Variants in CLEC9A observed in about 807,000 individuals in gnomAD.
CLEC9A encodes C-type lectin domain containing 9A.
In CLEC9A, 24 loss-of-function variants were observed where a neutral mutation model predicts 30.0. The ratio of observed to expected loss-of-function variants is 0.80; its 90% CI spans 0.58 to 1.13. The LOEUF is 1.13. Ranked by LOEUF, CLEC9A falls within the 50% of genes most tolerant of loss-of-function variation. The pLI is 0.00. For synonymous variants in CLEC9A, 111 were observed against 96.8 expected (o/e 1.15, Z -0.86); for missense variants, 251 against 280.9 (o/e 0.89, Z 0.76).
chr12:10,032,573 A>G (rs1004589485), intron 1 of CLEC9A, among the ~76,000 whole-genome samples: 1 of 151,564 alleles, frequency 6.6e-6, no homozygotes. Flanking sequence ...TTTTATTTTT[A>G]GTAGAGATGG....
chr12:10,054,271 G>A lies in CLEC9A; in HGVS notation c.92G>A (p.Gly31Glu), dbSNP rs763411410. The A allele has an allele frequency of 8.1e-6, 13 of 1,611,250 alleles. No homozygotes were observed. Among genetic ancestry groups the A allele is most frequent in the Non-Finnish European group, 1.1e-5 (13 of 1,178,452 alleles). Residue 31 changes from glycine (G) to glutamate (E), a missense_variant and splice_region_variant, in exon 5 of 9, where the codon GGA becomes GAA. Gly to Glu is a moderately conservative substitution (Grantham distance 98). Transcript: ENST00000355819. ...QKCLSSNKCSGACCLVMVISC... is the reference protein window; with the variant it reads ...QKCLSSNKCSEACCLVMVISC... ...ATCATTTTTCCTATTCTGTGGTTAG[G>A]AGCATGCTGTCTTGTGATGGTGATT...
At chr12:10,035,252 T>C (rs1016559546) in intron 1 of CLEC9A, among the ~76,000 whole-genome samples, 4 of 152,174 alleles carry the variant, frequency 2.6e-5, no homozygotes, top group African/African-American at 9.7e-5. Context: ...GATGGGGACA[T>C]GCGGGCCAGG....
intron 1 of CLEC9A, among the ~76,000 whole-genome samples, chr12:10,040,105 G>A (rs1865779379): frequency 6.6e-6 from 1 of 152,234 alleles, no homozygotes; most frequent in Non-Finnish European, 1.5e-5. Flanking sequence ...TTATAGGCAT[G>A]AGTCACCTTG....
chr12:10,064,695 G>A (rs1359842228), intron 7 of CLEC9A, 37 bp from the exon 8 acceptor site: 1 of 1,561,694 alleles, frequency 6.4e-7, no homozygotes. Flanking sequence ...TTGTTTGTTT[G>A]TTTTTCTCAT....
At chr12:10,047,942 A>G (rs1865860037) in intron 2 of CLEC9A, among the ~76,000 whole-genome samples, 1 of 152,086 alleles carries the variant, frequency 6.6e-6, no homozygotes, top group Non-Finnish European at 1.5e-5. Context: ...TTAAAATAAG[A>G]CAACAGTGGG....
rs1223078208 is a variant in CLEC9A at position 10,065,652 on chromosome 12, G to C, written c.*20G>C. The C allele has an allele frequency of 6.2e-7, 1 of 1,612,860 alleles. No individual in the cohort carries two copies. Among genetic ancestry groups the C allele is most frequent in the Admixed American group, 1.7e-5 (1 of 59,930 alleles). The stretch of plus-strand genomic sequence containing the variant: ...GTCTGAAAGAAATTGTGTTCAAAGT[G>C]TTCTATTACACTGTTATTTGGAGCA... On this transcript the variant is annotated 3_prime_UTR_variant, in exon 9 of 9. Transcript: ENST00000355819.
chr12:10,061,406 C>A, intron 6 of CLEC9A, 133 bp downstream of exon 6: 2 of 852,600 alleles, frequency 2.3e-6, no homozygotes, highest in Non-Finnish European at 3.4e-6. Context: ...TAATTTTGGT[C>A]ACTCTTCAGT....
At chr12:10,032,185 C>T (rs920982612) in intron 1 of CLEC9A, among the ~76,000 whole-genome samples, 2 of 152,152 alleles carry the variant, frequency 1.3e-5, no homozygotes, top group African/African-American at 4.8e-5. Context: ...CTTTGGAAGG[C>T]AGTGTGGCAG....
chr12:10,061,093 G>A (rs1324589780), intron 5 of CLEC9A, 34 bp from the exon 6 acceptor site: 1 of 1,598,792 alleles, frequency 6.3e-7, no homozygotes, highest in Non-Finnish European at 8.5e-7. Flanking sequence ...TAAAATGTCA[G>A]GATTTTATTA....
intron 4 of CLEC9A, 101 bp from the exon 5 acceptor site, chr12:10,054,170 C>A: frequency 1.1e-6 from 1 of 924,080 alleles, no homozygotes; most frequent in Non-Finnish European, 1.7e-6. Context: ...GTAGAAATGC[C>A]AATGTTAATT....
chr12:10,063,313 A>G, intron 7 of CLEC9A, 107 bp downstream of exon 7: 3 of 1,026,400 alleles, frequency 2.9e-6, no homozygotes, highest in Non-Finnish European at 3.9e-6. Context: ...CTATAACAGC[A>G]GTATAATTGT....
chr12:10,043,701 G>C (rs560655336), intron 2 of CLEC9A, among the ~76,000 whole-genome samples: 39 of 151,678 alleles, frequency 2.6e-4, no homozygotes, highest in African/African-American at 7.8e-4. Flanking sequence ...GACAGAGAGA[G>C]AGATGGAGTC....
Position 10,052,576 on chromosome 12 carries a change from C to G in CLEC9A, c.-58-54C>G. The G allele has an allele frequency of 2.0e-6, 3 of 1,494,428 alleles. No individual in the cohort carries two copies. In the South Asian group the frequency reaches 4.2e-5, roughly 21 times the overall value. The allele number at this position is 1,494,428 out of a possible 1,614,324, so 92.6% of individuals were successfully genotyped here. ...TAAACACAAACATATTTTCCCACTA[C>G]TGTGAAAATGTAACCAATTTCAGTT... On this transcript the variant is annotated intron_variant, in intron 3 of 8. Transcript: ENST00000355819.
intron 2 of CLEC9A, among the ~76,000 whole-genome samples, chr12:10,046,824 T>G (rs1213281002): frequency 6.6e-6 from 1 of 152,194 alleles, no homozygotes; most frequent in African/African-American, 2.4e-5. Context: ...TAGAGAAATA[T>G]CACTACTTTA....
intron 4 of CLEC9A, among the ~76,000 whole-genome samples, chr12:10,053,040 C>T (rs527812594): frequency 3.3e-5 from 5 of 151,926 alleles, no homozygotes; most frequent in Admixed American, 1.3e-4. Flanking sequence ...TTGGGAAATA[C>T]GTGAAAAAAA....
chr12:10,049,061 A>G (rs1865871541), intron 2 of CLEC9A, among the ~76,000 whole-genome samples: 1 of 152,230 alleles, frequency 6.6e-6, no homozygotes, highest in South Asian at 2.1e-4. Context: ...GTTAGCAGGA[A>G]TGAAAACATT....
At chr12:10,056,172 T>C (rs942729964) in intron 5 of CLEC9A, among the ~76,000 whole-genome samples, 4 of 151,062 alleles carry the variant, frequency 2.6e-5, no homozygotes, top group Non-Finnish European at 3.0e-5. Flanking sequence ...CGAAATCTTA[T>C]ATGAAACCTA....
intron 4 of CLEC9A, 45 bp from the exon 5 acceptor site, chr12:10,054,226 T>C: frequency 1.4e-6 from 2 of 1,476,654 alleles, no homozygotes; most frequent in East Asian, 4.5e-5. Context: ...GTCTTTTTTA[T>C]CTGCTTTCTC....
chr12:10,052,890 G>C lies in CLEC9A; in HGVS notation c.91+112G>C, dbSNP rs1865907976. On this transcript the variant is annotated intron_variant, in intron 4 of 8. Coordinates refer to ENST00000355819, the MANE Select transcript of CLEC9A (RefSeq NM_207345.4). ...TCTAATCCGAGATAATCTACCTAAG[G>C]GTACTGTAATGTCCGTGAAATGCTA... The C allele has an allele frequency of 2.5e-5, 30 of 1,210,082 alleles. No individual in the cohort carries two copies. The South Asian group carries it at 4.2e-4, about 17-fold the overall frequency. 75.0% of individuals were successfully genotyped at this position (1,210,082 alleles called of 1,614,324 possible). A position where few individuals can be genotyped will look rare whatever the true frequency, so the allele number is the denominator to read the frequency against.
Sources: gnomAD v4.1 joint callset for allele counts (sites outside exome capture counted in the v4.1 genomes callset) on GRCh38, gnomAD v4.1.1 for gene constraint, MANE v1.5 for transcripts, NCBI Gene and HGNC (gene_info 2026-07-23, HGNC 2026-07-21) for gene names.